Variants in METTL15 observed in about 807,000 individuals in gnomAD.
The protein encoded by METTL15 is methyltransferase 15, mitochondrial 12S rRNA N4-cytidine, also known as 12S rRNA N(4)-cytidine methyltransferase METTL15.
Under a neutral mutation model 38.3 loss-of-function variants are expected in METTL15, and 34 were observed. The ratio of observed to expected loss-of-function variants is 0.89; its 90% confidence interval spans 0.68 to 1.18. METTL15 has a LOEUF of 1.18. METTL15 is among the 50% of genes most tolerant of loss of function. The pLI is 0.00. For synonymous variants in METTL15, 162 were observed against 170.9 expected (o/e 0.95, Z 0.41); for missense variants, 438 against 498.4 (o/e 0.88, Z 1.15).
intron 5 of METTL15, among the ~76,000 whole-genome samples, chr11:28,414,952 G>A (rs10501098): frequency 0.055 from 8,363 of 152,272 alleles, 404 homozygotes; most frequent in African/African-American, 0.13. Flanking sequence ...TTGCATTGCT[G>A]TAGGACTAAC....
intron 3 of METTL15, among the ~76,000 whole-genome samples, chr11:28,180,454 C>T (rs1851241384): frequency 6.6e-6 from 1 of 151,694 alleles, no homozygotes. Context: ...AATTAGTTGT[C>T]TGCTTTTCCT....
chr11:28,307,719 C>G (rs1303910142), intron 6 of METTL15, among the ~76,000 whole-genome samples: 1 of 151,950 alleles, frequency 6.6e-6, no homozygotes, highest in Non-Finnish European at 1.5e-5. Flanking sequence ...TATGTATCGA[C>G]TTAACCATCA....
chr11:28,454,396 A>G (rs1851150248), intron 6 of METTL15, among the ~76,000 whole-genome samples: 1 of 152,228 alleles, frequency 6.6e-6, no homozygotes, highest in African/African-American at 2.4e-5. Context: ...ATATGCTTCT[A>G]ATCAGTGTAT....
intron 3 of METTL15, among the ~76,000 whole-genome samples, chr11:28,168,176 C>G (rs1850721130): frequency 6.6e-6 from 1 of 151,788 alleles, no homozygotes; most frequent in African/African-American, 2.4e-5. Flanking sequence ...ATTTATTGAA[C>G]ACTTCTATAT....
intron 3 of METTL15, among the ~76,000 whole-genome samples, chr11:28,194,019 T>G (rs955167978): frequency 3.3e-5 from 5 of 152,058 alleles, no homozygotes; most frequent in Non-Finnish European, 5.9e-5. Context: ...TTGCAATCCC[T>G]TTATGTTTTA....
chr11:28,481,750 T>C (rs1051636562), intron 6 of METTL15, among the ~76,000 whole-genome samples: 3 of 152,016 alleles, frequency 2.0e-5, no homozygotes, highest in African/African-American at 7.2e-5. Flanking sequence ...ACAGTTCCAG[T>C]AGAGGGGTGT....
At position 28,178,636 on chromosome 11, in the gene METTL15, T is replaced by A. The variant is rs529083718; in HGVS notation, c.271-32426T>A. Among the ~76,000 whole-genome samples, 17 of 151,964 alleles carry A rather than the reference T, an allele frequency of 1.1e-4. No homozygotes were observed. In the East Asian group the frequency reaches 3.1e-3, roughly 28 times the overall value. ...TTTTACATTTTAATGTGCTTTCCCT[T>A]AGTGTATGTGAAGTGTAACATTTAA... On this transcript the variant is annotated intron_variant, in intron 3 of 6. Coordinates refer to ENST00000407364, the MANE Select transcript of METTL15 (RefSeq NM_001113528.2).
intron 5 of METTL15, among the ~76,000 whole-genome samples, chr11:28,403,076 A>T (rs1850643728): frequency 6.6e-6 from 1 of 151,982 alleles, no homozygotes; most frequent in Admixed American, 6.6e-5. Context: ...TCAGGAGTCA[A>T]TTTAAATGTT....
chr11:28,367,333 A>G (rs1490456545), intron 5 of METTL15, among the ~76,000 whole-genome samples: 1 of 152,154 alleles, frequency 6.6e-6, no homozygotes, highest in Non-Finnish European at 1.5e-5. Context: ...TCTAATTAGG[A>G]AAGCAAATGC....
chr11:28,295,933 T>C (rs1176468895), intron 5 of METTL15, among the ~76,000 whole-genome samples: 1 of 152,160 alleles, frequency 6.6e-6, no homozygotes, highest in Non-Finnish European at 1.5e-5. Flanking sequence ...GCTATTTTTC[T>C]AATACGTAAA....
At chr11:28,219,350 G>A (rs992604061) in intron 4 of METTL15, among the ~76,000 whole-genome samples, 2 of 152,148 alleles carry the variant, frequency 1.3e-5, no homozygotes, top group Admixed American at 1.3e-4. Flanking sequence ...GTTGTGTAGA[G>A]GTGTTTATAG....
chr11:28,204,724 A>T (rs536032976), intron 3 of METTL15, among the ~76,000 whole-genome samples: 1 of 151,844 alleles, frequency 6.6e-6, no homozygotes, highest in Non-Finnish European at 1.5e-5. Context: ...CATCTCCTTC[A>T]TGATTGTAAT....
At chr11:28,487,853 A>G (rs1315864053) in intron 6 of METTL15, among the ~76,000 whole-genome samples, 3 of 152,176 alleles carry the variant, frequency 2.0e-5, no homozygotes, top group Non-Finnish European at 4.4e-5. Context: ...TCATGAATCT[A>G]TAGTTTGGAA....
chr11:28,259,217 C>A (rs193038108), intron 4 of METTL15, among the ~76,000 whole-genome samples: 13 of 152,108 alleles, frequency 8.5e-5, no homozygotes, highest in Admixed American at 7.8e-4. Flanking sequence ...TTGACCAGTA[C>A]CCTGTCTTGC....
At chr11:28,211,997 A>G (rs1414655257) in intron 4 of METTL15, among the ~76,000 whole-genome samples, 1 of 152,040 alleles carries the variant, frequency 6.6e-6, no homozygotes, top group Non-Finnish European at 1.5e-5. Context: ...TTTTGACTTG[A>G]TGTGGACTAG....
intron 6 of METTL15, among the ~76,000 whole-genome samples, chr11:28,307,335 A>C (rs542855277): frequency 2.0e-5 from 3 of 151,968 alleles, no homozygotes; most frequent in Admixed American, 2.0e-4. Flanking sequence ...TCATTGGTGC[A>C]TCATCAAAAC....
At chr11:28,290,025 T>C (rs1240761967) in intron 4 of METTL15, among the ~76,000 whole-genome samples, 181 bp from the exon 5 acceptor site, 1 of 152,192 alleles carries the variant, frequency 6.6e-6, no homozygotes, top group Non-Finnish European at 1.5e-5. Flanking sequence ...CCAGCTCTGG[T>C]GTTTGAAACC....
chr11:28,178,666 TTGTC>T (rs1395080454), intron 3 of METTL15, among the ~76,000 whole-genome samples: 5 of 151,966 alleles, frequency 3.3e-5, no homozygotes, highest in East Asian at 1.9e-4. Context: ...ATTTAATCAT[TTGTC>T]TGTATGTGTT....
chr11:28,209,212 A>T (rs973046147), intron 3 of METTL15, among the ~76,000 whole-genome samples: 1 of 152,030 alleles, frequency 6.6e-6, no homozygotes, highest in Admixed American at 6.6e-5. Flanking sequence ...GGGTAATTGT[A>T]TCTAAATTGT....
Sources: allele counts gnomAD v4.1 joint callset (sites outside exome capture counted in the v4.1 genomes callset), GRCh38; gene constraint gnomAD v4.1.1; transcripts MANE v1.5; gene names NCBI Gene and HGNC (gene_info 2026-07-23, HGNC 2026-07-21).